Variants in PRRC2C observed in about 807,000 individuals in gnomAD.
The protein encoded by PRRC2C is proline rich coiled-coil 2C.
PRRC2C carries 72 observed loss-of-function variants against 317.2 expected under a neutral mutation model. The ratio of observed to expected loss-of-function variants is 0.23; its 90% CI spans 0.19 to 0.28. The LOEUF (loss-of-function observed/expected upper bound fraction) is 0.28. PRRC2C is among the 10% of genes least tolerant of loss of function. PRRC2C has a pLI of 1.00. For synonymous variants in PRRC2C, 1,296 were observed against 1,205.9 expected, an observed-to-expected ratio of 1.07 and a Z score of -1.55; for missense variants, 3,074 against 3,459.7, an observed-to-expected ratio of 0.89 and a Z score of 2.80.
At chr1:171,573,314 T>C (rs1685095645) in intron 24 of PRRC2C, among the ~76,000 whole-genome samples, 1 of 152,240 alleles carries the variant, frequency 6.6e-6, no homozygotes, top group African/African-American at 2.4e-5. Context: ...TTGTGGCCTG[T>C]ATGTTATGTA....
chr1:171,576,278 CT>C (rs1489913227), intron 25 of PRRC2C, among the ~76,000 whole-genome samples: 1 of 152,082 alleles, frequency 6.6e-6, no homozygotes, highest in African/African-American at 2.4e-5. Flanking sequence ...GTTCCTAGTT[CT>C]TTCTTTGGAA....
At chr1:171,499,917 C>G (rs925396875) in intron 1 of PRRC2C, among the ~76,000 whole-genome samples, 7 of 152,172 alleles carry the variant, frequency 4.6e-5, no homozygotes, top group African/African-American at 2.4e-5. Context: ...TGCTATTTAA[C>G]TTTTATATTT....
intron 14 of PRRC2C, 21 bp downstream of exon 14, chr1:171,536,299 T>G: frequency 6.2e-7 from 1 of 1,607,600 alleles, no homozygotes; most frequent in Non-Finnish European, 8.5e-7. Flanking sequence ...TTTGCATTTA[T>G]AGTTTTACAG....
chr1:171,591,886 G>GCCCGC lies in PRRC2C; in HGVS notation c.*39_*40insCCCGC. On this transcript the variant is annotated 3_prime_UTR_variant, in exon 35 of 35. Coordinates refer to ENST00000647382, the MANE Select transcript of PRRC2C (RefSeq NM_001387844.1). ...TTGCAGGGGATTGGGAGGGGGGCGG[G>GCCCGC]AAAACATGGAGAATTAAGTCAGATA... 2.1e-6 allele frequency: 1 copy of GCCCGC among 475,634 alleles called. No individual in the cohort carries two copies. The highest frequency in any genetic ancestry group is 3.7e-6 in the Non-Finnish European group (1 of 266,838). The allele number at this position is 475,634 out of a possible 1,614,324, so 29.5% of individuals were successfully genotyped here. A position where few individuals can be genotyped will look rare whatever the true frequency, so the allele number is the denominator to read the frequency against.
At chr1:171,533,271 C>CA (rs1037379868) in intron 12 of PRRC2C, among the ~76,000 whole-genome samples, 2 of 152,142 alleles carry the variant, frequency 1.3e-5, no homozygotes, top group African/African-American at 4.8e-5. Flanking sequence ...TTTAACTAAA[C>CA]AAAATCTCAT....
chr1:171,584,641 A>G, intron 30 of PRRC2C, 115 bp downstream of exon 30: 1 of 1,225,866 alleles, frequency 8.2e-7, no homozygotes, highest in Non-Finnish European at 1.1e-6. Flanking sequence ...TGGTTTTTAA[A>G]CTGTTCACTG....
intron 27 of PRRC2C, 138 bp downstream of exon 27, chr1:171,579,604 TA>T: frequency 7.1e-7 from 1 of 1,414,334 alleles, no homozygotes; most frequent in Non-Finnish European, 9.2e-7. Flanking sequence ...AAGCAAAATT[TA>T]AAATTTTTCC....
intron 1 of PRRC2C, among the ~76,000 whole-genome samples, chr1:171,500,578 G>A (rs1668918899): frequency 6.6e-6 from 1 of 151,960 alleles, no homozygotes; most frequent in African/African-American, 2.4e-5. Flanking sequence ...TAGTTGTTTT[G>A]TTAGAGACAG....
chr1:171,488,904 G>A (rs1666608326), intron 1 of PRRC2C, among the ~76,000 whole-genome samples: 1 of 152,074 alleles, frequency 6.6e-6, no homozygotes, highest in African/African-American at 2.4e-5. Flanking sequence ...TCAACATTAA[G>A]GGAAGATGGA....
intron 19 of PRRC2C, among the ~76,000 whole-genome samples, chr1:171,560,257 A>G (rs557450126): frequency 6.6e-6 from 1 of 152,346 alleles, no homozygotes; most frequent in East Asian, 1.9e-4. Context: ...GAGGAATTCA[A>G]GACATCAGTG....
At chr1:171,522,985 A>T (rs1673887684) in intron 7 of PRRC2C, among the ~76,000 whole-genome samples, 1 of 149,426 alleles carries the variant, frequency 6.7e-6, no homozygotes, top group Non-Finnish European at 1.5e-5. Context: ...TATTTGTTTT[A>T]TCTTAAATAT....
chr1:171,512,886 A>G, intron 2 of PRRC2C, 109 bp from the exon 3 acceptor site: 1 of 993,924 alleles, frequency 1.0e-6, no homozygotes, highest in Non-Finnish European at 1.4e-6. Flanking sequence ...TACATGAATG[A>G]AAATCATTCA....
intron 1 of PRRC2C, among the ~76,000 whole-genome samples, chr1:171,486,754 A>G (rs1391582905): frequency 9.2e-5 from 14 of 152,260 alleles, no homozygotes; most frequent in Admixed American, 8.5e-4. Context: ...GAATCGGAGG[A>G]TTTTTTGATT....
At chr1:171,486,288 G>T (rs919979262) in intron 1 of PRRC2C, among the ~76,000 whole-genome samples, 7 of 151,972 alleles carry the variant, frequency 4.6e-5, no homozygotes. Flanking sequence ...GGGGAATCAA[G>T]ACCAACCCTA....
chr1:171,540,808 T>C lies in PRRC2C; in HGVS notation c.3342T>C (p.Thr1114=). The C allele has an allele frequency of 6.2e-7, 1 of 1,613,920 alleles. No homozygotes were observed. The highest frequency in any genetic ancestry group is 8.5e-7 in the Non-Finnish European group (1 of 1,179,844). The change falls in exon 16 of 35, where the codon ACT becomes ACC. Residue 1114 remains threonine, a synonymous_variant. Transcript: ENST00000647382. ...AGAAGCCTCTGGAACCTGTGAGTACTGTTCAGGTAGAGCCTGCAGTTAAGA... is the reference window on the plus strand; with the variant it reads ...AGAAGCCTCTGGAACCTGTGAGTACCGTTCAGGTAGAGCCTGCAGTTAAGA... ...DTEKPLEPVS[T]VQVEPAVKTV... is the part of the protein sequence containing the mutation.
chr1:171,511,122 CA>C (rs1671295687), intron 1 of PRRC2C: 1 of 152,020 alleles, frequency 6.6e-6, no homozygotes, highest in African/African-American at 2.4e-5. Context: ...TTTCAGTTCT[CA>C]ATGTTTTCAG....
At chr1:171,542,927 A>ATT (rs1376054742) in intron 16 of PRRC2C, among the ~76,000 whole-genome samples, 1 of 151,634 alleles carries the variant, frequency 6.6e-6, no homozygotes. Context: ...TGCCTGGTTA[A>ATT]TTTTTTGTAT....
At chr1:171,539,826 C>A in intron 15 of PRRC2C, 145 bp from the exon 16 acceptor site, 2 of 749,808 alleles carry the variant, frequency 2.7e-6, no homozygotes. Flanking sequence ...AGTAATTCTC[C>A]TCTAAACTTT....
intron 28 of PRRC2C, 84 bp downstream of exon 28, chr1:171,580,048 T>A: frequency 3.2e-6 from 4 of 1,251,882 alleles, no homozygotes; most frequent in Non-Finnish European, 4.1e-6. Context: ...ATACTGTTCC[T>A]TCCCAAAAAA....
Sources: allele counts gnomAD v4.1 joint callset (sites outside exome capture counted in the v4.1 genomes callset), GRCh38; gene constraint gnomAD v4.1.1; transcripts MANE v1.5; gene names NCBI Gene and HGNC (gene_info 2026-07-23, HGNC 2026-07-21).